The following CCDC184 variants were observed in gnomAD, a reference collection of about 807,000 sequenced individuals.
CCDC184 encodes coiled-coil domain-containing protein 184.
A neutral mutation model predicts 10.4 loss-of-function variants in CCDC184; 11 were observed. The ratio of observed to expected loss-of-function variants is 1.06; its 90% confidence interval spans 0.67 to 1.75. The LOEUF (loss-of-function observed/expected upper bound fraction) is 1.75. Ranked by LOEUF, CCDC184 falls within the 40% of genes most tolerant of loss-of-function variation. The probability of loss-of-function intolerance (pLI) is 0.00; values close to 1 mark genes in which losing one functional copy is unlikely to be tolerated. For missense variants in CCDC184, 264 were observed against 267.9 expected (o/e 0.99, Z 0.10); for synonymous variants, 102 against 116.1 (o/e 0.88, Z 0.78).
At position 48,184,065 on chromosome 12, in the gene CCDC184, A is replaced by AC; in HGVS notation, c.-54dup. 3 of 332,392 alleles carry AC rather than the reference A, an allele frequency of 9.0e-6. No homozygotes were observed. The highest frequency in any genetic ancestry group is 2.5e-5 in the South Asian group (1 of 39,584). The allele number at this position is 332,392 out of a possible 1,614,324, so 20.6% of individuals were successfully genotyped here. Reference sequence around the variant, plus strand: ...CCTCTCCCCCTCCACCCCCTCCCCCACCCCGGAGGCCGGGCTGGACGCGAC... The same window carrying AC: ...CCTCTCCCCCTCCACCCCCTCCCCCACCCCCGGAGGCCGGGCTGGACGCGAC... On this transcript the variant is annotated 5_prime_UTR_variant, in exon 1 of 1. Coordinates refer to ENST00000316554, the MANE Select transcript of CCDC184 (RefSeq NM_001013635.4).
At position 48,184,181 on chromosome 12, in the gene CCDC184, T is replaced by C. The variant is rs768708969; in HGVS notation, c.59T>C (p.Leu20Pro). 1 of 1,613,838 alleles carries C rather than the reference T, an allele frequency of 6.2e-7. No homozygotes were observed. Among genetic ancestry groups the C allele is most frequent in the Non-Finnish European group, 8.5e-7 (1 of 1,180,018 alleles). The change falls in exon 1 of 1, where the codon CTG becomes CCG. Residue 20 changes from leucine (L) to proline (P), a missense_variant. Leu to Pro is a moderately conservative substitution (Grantham distance 98). Coordinates refer to ENST00000316554, the MANE Select transcript of CCDC184 (RefSeq NM_001013635.4). Reference protein sequence around the residue: ...TKDGGDMPAPLEVSTVPAVGD... With the variant: ...TKDGGDMPAPPEVSTVPAVGD... ...GACGGCGGCGACATGCCGGCGCCCC[T>C]GGAGGTGTCCACCGTGCCGGCAGTG...
At position 48,184,693 on chromosome 12, in the gene CCDC184, G is replaced by C; in HGVS notation, c.571G>C (p.Glu191Gln). Residue 191 changes from glutamate to glutamine, a missense_variant, in exon 1 of 1, where the codon GAG becomes CAG. Glu to Gln is a conservative substitution (Grantham distance 29). Coordinates refer to ENST00000316554, the MANE Select transcript of CCDC184 (RefSeq NM_001013635.4). ...CATTACCCTGCTGCAACTGGAGGGC[G>C]AGGCCTCCCTGTGAGGGGACTCCGT... ...PDITLLQLEG[E>Q]ASL 1 of 1,600,974 alleles carries C rather than the reference G, an allele frequency of 6.2e-7. No individual in the cohort carries two copies. Among genetic ancestry groups the C allele is most frequent in the Non-Finnish European group, 8.5e-7 (1 of 1,172,218 alleles).
rs73304926 is a variant in CCDC184, at chr12:48,184,659, C to T, written c.537C>T (p.Asp179=). 239,587 of 1,599,016 alleles carry T rather than the reference C, an allele frequency of 0.15. 19,092 individuals carry two copies. The highest frequency in any genetic ancestry group is 0.25 in the African/African-American group (18,497 of 74,830). ...ACGGGCCACTTGTGGAGCCCCTCGA[C>T]ATGCCCGACATTACCCTGCTGCAAC... ...GGDGPLVEPL[D]MPDITLLQLE... is the part of the protein sequence containing the mutation. The change falls in exon 1 of 1, where the codon GAC becomes GAT. Residue 179 remains aspartate, a synonymous_variant. Coordinates refer to ENST00000316554, the MANE Select transcript of CCDC184 (RefSeq NM_001013635.4).
Position 48,184,308 on chromosome 12 carries a change from G to C in CCDC184, c.186G>C (p.Arg62Ser), listed in dbSNP as rs139246501. ...TGTTTGAGGACGTGAGGGCCATGAGGGGGGCCCTGGACGAGCAGGCCTCGC... is the reference window on the plus strand; with the variant it reads ...TGTTTGAGGACGTGAGGGCCATGAGCGGGGCCCTGGACGAGCAGGCCTCGC... The part of the protein sequence containing the change: ...QALFEDVRAM[R>S]GALDEQASHI... The change falls in exon 1 of 1, where the codon AGG becomes AGC. Residue 62 changes from arginine (R) to serine (S), a missense_variant. Arg to Ser is a moderately radical substitution (Grantham distance 110). Transcript: ENST00000316554. 121 of 1,614,014 alleles carry C rather than the reference G, an allele frequency of 7.5e-5. No individual in the cohort carries two copies. The highest frequency in any genetic ancestry group is 9.9e-5 in the Non-Finnish European group (117 of 1,180,026).
chr12:48,184,189 T>C lies in CCDC184; in HGVS notation c.67T>C (p.Ser23Pro), dbSNP rs774489496. 1.6e-5 allele frequency: 26 copies of C among 1,613,778 alleles called. No homozygotes were observed. Among genetic ancestry groups the C allele is most frequent in the Admixed American group, 8.3e-5 (5 of 59,996 alleles). ...CGACATGCCGGCGCCCCTGGAGGTG[T>C]CCACCGTGCCGGCAGTGGGGGACGT... is the stretch of plus-strand genomic sequence containing the variant. ...GGDMPAPLEV[S>P]TVPAVGDVIS... The change falls in exon 1 of 1, where the codon TCC (serine) becomes CCC (proline). Residue 23 changes from serine to proline, a missense_variant. By Grantham distance (74) the Ser-to-Pro change is moderately conservative. Transcript: ENST00000316554.
In CCDC184 at chr12:48,184,982, A is replaced by G. The variant is rs1951492997; in HGVS notation, c.*275A>G. The G allele has an allele frequency of 4.8e-6, 2 of 420,372 alleles. No homozygotes were observed. The highest frequency in any genetic ancestry group is 2.0e-5 in the African/African-American group (1 of 49,966). The allele number at this position is 420,372 out of a possible 1,614,324, so 26.0% of individuals were successfully genotyped here. On this transcript the variant is annotated 3_prime_UTR_variant, in exon 1 of 1. Coordinates refer to ENST00000316554, the MANE Select transcript of CCDC184 (RefSeq NM_001013635.4). ...CATCTCTGGACTCCCATCCATCCCT[A>G]TCCTGTCCTTTCCCCCTTCCCAGAC... is the stretch of plus-strand genomic sequence containing the variant.
In CCDC184 at chr12:48,183,934, C is replaced by T. The variant is rs369039305; in HGVS notation, c.-189C>T. 1.9e-5 allele frequency: 11 copies of T among 575,276 alleles called. No homozygotes were observed. Among genetic ancestry groups the T allele is most frequent in the East Asian group, 1.7e-4 (6 of 35,486 alleles). The allele number at this position is 575,276 out of a possible 1,614,324, so 35.6% of individuals were successfully genotyped here. A position where few individuals can be genotyped will look rare whatever the true frequency, so the allele number is the denominator to read the frequency against. ...CGTCCCGCAGCCTCTTCTCGGCCTCCCGCGATCCTGCCTGCGCCCTCTGCC... is the reference window on the plus strand; with the variant it reads ...CGTCCCGCAGCCTCTTCTCGGCCTCTCGCGATCCTGCCTGCGCCCTCTGCC... On this transcript the variant is annotated 5_prime_UTR_variant, in exon 1 of 1. Coordinates refer to ENST00000316554, the MANE Select transcript of CCDC184 (RefSeq NM_001013635.4).
Position 48,184,825 on chromosome 12 carries a change from C to G in CCDC184, c.*118C>G. ...CACTTGGACAGCTGCTCTTGTGGGTCAGGCAGAGAGAGACTCCCTCGAGGA... is the reference window on the plus strand; with the variant it reads ...CACTTGGACAGCTGCTCTTGTGGGTGAGGCAGAGAGAGACTCCCTCGAGGA... On this transcript the variant is annotated 3_prime_UTR_variant, in exon 1 of 1. Transcript: ENST00000316554. 1 of 766,980 alleles carries G rather than the reference C, an allele frequency of 1.3e-6. No individual in the cohort carries two copies. The highest frequency in any genetic ancestry group is 2.7e-5 in the East Asian group (1 of 37,182). 47.5% of individuals were successfully genotyped at this position (766,980 alleles called of 1,614,324 possible). A position where few individuals can be genotyped will look rare whatever the true frequency, so the allele number is the denominator to read the frequency against.
chr12:48,184,818 TG>T lies in CCDC184; in HGVS notation c.*112del. 1 of 805,884 alleles carries T rather than the reference TG, an allele frequency of 1.2e-6. No individual in the cohort carries two copies. Among genetic ancestry groups the T allele is most frequent in the South Asian group, 1.8e-5 (1 of 54,402 alleles). 49.9% of individuals were successfully genotyped at this position (805,884 alleles called of 1,614,324 possible). The stretch of plus-strand genomic sequence containing the variant: ...CATGCTTCACTTGGACAGCTGCTCT[TG>T]TGGGTCAGGCAGAGAGAGACTCCCT... On this transcript the variant is annotated 3_prime_UTR_variant, in exon 1 of 1. Transcript: ENST00000316554.
In CCDC184 at chr12:48,184,106, C is replaced by T. The variant is rs202222024; in HGVS notation, c.-17C>T. On this transcript the variant is annotated 5_prime_UTR_variant, in exon 1 of 1. Coordinates refer to ENST00000316554, the MANE Select transcript of CCDC184 (RefSeq NM_001013635.4). The stretch of plus-strand genomic sequence containing the variant: ...TGGACGCGACCCAGAGCCTCCGCCA[C>T]CCGCTTCTGCCACTCAATGGAGGAC... 2.0e-4 allele frequency: 311 copies of T among 1,593,440 alleles called. 1 individual carries two copies. In the African/African-American group the frequency reaches 2.9e-3, roughly 15 times the overall value.
At position 48,184,522 on chromosome 12, in the gene CCDC184, G is replaced by A. The variant is rs1183955414; in HGVS notation, c.400G>A (p.Asp134Asn). 1.9e-6 allele frequency: 3 copies of A among 1,580,608 alleles called. No individual in the cohort carries two copies. In the Admixed American group the frequency reaches 5.4e-5, roughly 29 times the overall value. ...CGGGGACAGCGGCTTGCTGGGTCGC[G>A]ATCCCGAGGACGAGGAGGAAGAGGA... Reference protein sequence around the residue: ...GIGDSGLLGRDPEDEEEEEEE... With the variant: ...GIGDSGLLGRNPEDEEEEEEE... Residue 134 changes from aspartate (D) to asparagine (N), a missense_variant, in exon 1 of 1, where the codon GAT becomes AAT. By Grantham distance (23) the Asp-to-Asn change is conservative. Transcript: ENST00000316554.
chr12:48,184,731 T>C lies in CCDC184; in HGVS notation c.*24T>C. 3 of 1,554,006 alleles carry C rather than the reference T, an allele frequency of 1.9e-6. No individual in the cohort carries two copies. The highest frequency in any genetic ancestry group is 2.6e-6 in the Non-Finnish European group (3 of 1,144,100). ...GAGGGGACTCCGTGGGGCACTACCT[T>C]CCCGGGCTGTCTTTGGGTTTCCGAG... On this transcript the variant is annotated 3_prime_UTR_variant, in exon 1 of 1. Coordinates refer to ENST00000316554, the MANE Select transcript of CCDC184 (RefSeq NM_001013635.4).
chr12:48,184,269 C>G lies in CCDC184; in HGVS notation c.147C>G (p.Ala49=), dbSNP rs771088979. 1.9e-6 allele frequency: 3 copies of G among 1,614,030 alleles called. No individual in the cohort carries two copies. The East Asian group carries it at 6.7e-5, about 36-fold the overall frequency. ...GMKELMEHLK[A]QLQALFEDVR... ...AGGAACTGATGGAGCACCTGAAAGCCCAGCTGCAAGCCCTGTTTGAGGACG... is the reference window on the plus strand; with the variant it reads ...AGGAACTGATGGAGCACCTGAAAGCGCAGCTGCAAGCCCTGTTTGAGGACG... The change falls in exon 1 of 1, where the codon GCC becomes GCG. Residue 49 remains alanine, a synonymous_variant. Transcript: ENST00000316554.
In CCDC184 at chr12:48,184,400, T is replaced by C; in HGVS notation, c.278T>C (p.Met93Thr). The change falls in exon 1 of 1, where the codon ATG becomes ACG. Residue 93 changes from methionine (M) to threonine (T), a missense_variant. Physicochemically the swap from Met to Thr is moderately conservative, Grantham distance 81. Coordinates refer to ENST00000316554, the MANE Select transcript of CCDC184 (RefSeq NM_001013635.4). Reference protein sequence around the residue: ...QRAIVSMCQIMTTAPRQGGLG... With the variant: ...QRAIVSMCQITTTAPRQGGLG... ...GCCATCGTCTCCATGTGCCAGATTATGACCACTGCGCCCCGCCAGGGCGGC... is the reference window on the plus strand; with the variant it reads ...GCCATCGTCTCCATGTGCCAGATTACGACCACTGCGCCCCGCCAGGGCGGC... The C allele has an allele frequency of 6.2e-7, 1 of 1,613,036 alleles. No homozygotes were observed. The highest frequency in any genetic ancestry group is 8.5e-7 in the Non-Finnish European group (1 of 1,179,986).
rs1409934007 is a variant in CCDC184 at position 48,184,506 on chromosome 12, C to A, written c.384C>A (p.Ser128Arg). Residue 128 changes from serine (S) to arginine (R), a missense_variant, in exon 1 of 1, where the codon AGC (serine) becomes AGA (arginine). Coordinates refer to ENST00000316554, the MANE Select transcript of CCDC184 (RefSeq NM_001013635.4). ...PETPSPGIGD[S>R]GLLGRDPEDE... is the part of the protein sequence containing the mutation. Reference sequence around the variant, plus strand: ...CTCCTTCGCCTGGGATCGGGGACAGCGGCTTGCTGGGTCGCGATCCCGAGG... The same window carrying A: ...CTCCTTCGCCTGGGATCGGGGACAGAGGCTTGCTGGGTCGCGATCCCGAGG... 2 of 1,595,076 alleles carry A rather than the reference C, an allele frequency of 1.3e-6. No individual in the cohort carries two copies. Among genetic ancestry groups the A allele is most frequent in the East Asian group, 2.2e-5 (1 of 44,486 alleles).
rs767076317 is a variant in CCDC184, at chr12:48,184,233, C to A, written c.111C>A (p.Asn37Lys). 6.2e-7 allele frequency: 1 copy of A among 1,614,086 alleles called. No individual in the cohort carries two copies. The highest frequency in any genetic ancestry group is 8.5e-7 in the Non-Finnish European group (1 of 1,180,018). The change falls in exon 1 of 1, where the codon AAC (asparagine) becomes AAA (lysine). Residue 37 changes from asparagine to lysine, a missense_variant. Physicochemically the swap from Asn to Lys is moderately conservative, Grantham distance 94. Transcript: ENST00000316554. ...GGGACGTGATCTCCGGGGAGTACAACGGCGGCATGAAGGAACTGATGGAGC... is the reference window on the plus strand; with the variant it reads ...GGGACGTGATCTCCGGGGAGTACAAAGGCGGCATGAAGGAACTGATGGAGC... ...AVGDVISGEY[N>K]GGMKELMEHL... is the part of the protein sequence containing the mutation.
chr12:48,183,819 G>A lies in CCDC184; in HGVS notation c.-304G>A, dbSNP rs1159360581. 8.1e-6 allele frequency: 3 copies of A among 370,338 alleles called. No individual in the cohort carries two copies. The highest frequency in any genetic ancestry group is 4.2e-5 in the Admixed American group (1 of 23,742). 22.9% of individuals were successfully genotyped at this position (370,338 alleles called of 1,614,324 possible). On this transcript the variant is annotated 5_prime_UTR_variant, in exon 1 of 1. Transcript: ENST00000316554. ...GGCGCCCAGAGGGCGGCGCTGACAC[G>A]GGCGCGATCCGGGAGGCGAGGCAGG...
chr12:48,183,684 A>C lies in CCDC184; in HGVS notation c.-439A>C. 2 of 166,574 alleles carry C rather than the reference A, an allele frequency of 1.2e-5. No individual in the cohort carries two copies. The highest frequency in any genetic ancestry group is 2.6e-5 in the Non-Finnish European group (2 of 78,180). The allele number at this position is 166,574 out of a possible 1,614,324, so 10.3% of individuals were successfully genotyped here. A position where few individuals can be genotyped will look rare whatever the true frequency, so the allele number is the denominator to read the frequency against. ...GCCACACTCGCGGGCGCTGCCCGGT[A>C]ATGGCCTGGGGGAGTCCCGAGTCCG... On this transcript the variant is annotated 5_prime_UTR_variant, in exon 1 of 1. Coordinates refer to ENST00000316554, the MANE Select transcript of CCDC184 (RefSeq NM_001013635.4).
chr12:48,183,774 G>C lies in CCDC184; in HGVS notation c.-349G>C, dbSNP rs926045549. 7.5e-6 allele frequency: 2 copies of C among 265,600 alleles called. No individual in the cohort carries two copies. Among genetic ancestry groups the C allele is most frequent in the Non-Finnish European group, 1.4e-5 (2 of 140,644 alleles). 16.5% of individuals were successfully genotyped at this position (265,600 alleles called of 1,614,324 possible). A position where few individuals can be genotyped will look rare whatever the true frequency, so the allele number is the denominator to read the frequency against. On this transcript the variant is annotated 5_prime_UTR_variant, in exon 1 of 1. Transcript: ENST00000316554. ...GAGCGCGTCTGTGACCCACGGAACC[G>C]GCAGGCGCTCTCTGCTTGTGGCGCC... is the stretch of plus-strand genomic sequence containing the variant.
Sources: gnomAD v4.1 joint callset for allele counts on GRCh38, gnomAD v4.1.1 for gene constraint, MANE v1.5 for transcripts, NCBI Gene and HGNC (gene_info 2026-07-23, HGNC 2026-07-21) for gene names.